SLC24A2: variants seen among roughly 807,000 people sequenced by gnomAD.
The protein encoded by SLC24A2 is sodium/potassium/calcium exchanger 2.
A neutral mutation model predicts 62.0 loss-of-function variants in SLC24A2; 36 were observed. That is an observed-to-expected ratio of 0.58 (90% CI 0.44 to 0.77). The LOEUF (loss-of-function observed/expected upper bound fraction) is 0.77. Among genes scored for constraint, SLC24A2 ranks in the 30% least tolerant of loss-of-function variants. The pLI is 0.00. For synonymous variants in SLC24A2, 358 were observed against 294.0 expected (o/e 1.22, Z -2.23); for missense variants, 846 against 817.9 (o/e 1.03, Z -0.42).
the SLC24A2 span, among the ~76,000 whole-genome samples, chr9:20,294,695 G>C: frequency 1.3e-5 from 2 of 152,048 alleles, no homozygotes; most frequent in African/African-American, 2.4e-5. Flanking sequence ...AATGAAGTTG[G>C]TTTAATTCAA....
chr9:20,307,743 G>A, the SLC24A2 span, among the ~76,000 whole-genome samples: 2 of 152,190 alleles, frequency 1.3e-5, no homozygotes, highest in African/African-American at 2.4e-5. Flanking sequence ...TCTAGGCTCA[G>A]AGACACATGC....
chr9:19,559,881 A>ACAT (rs1835306162), intron 7 of SLC24A2, among the ~76,000 whole-genome samples: 1 of 152,224 alleles, frequency 6.6e-6, no homozygotes, highest in South Asian at 2.1e-4. Context: ...CAAAAATAGA[A>ACAT]CATTATACTT....
the SLC24A2 span, among the ~76,000 whole-genome samples, chr9:19,962,422 G>A: frequency 6.6e-6 from 1 of 152,084 alleles, no homozygotes; most frequent in Non-Finnish European, 1.5e-5. Context: ...AGCCTGATGG[G>A]GATGGCATTG....
chr9:20,211,456 G>A, the SLC24A2 span, among the ~76,000 whole-genome samples: 1 of 152,152 alleles, frequency 6.6e-6, no homozygotes, highest in Non-Finnish European at 1.5e-5. Flanking sequence ...AGGTTGCCGT[G>A]AGCTGAGATC....
Position 19,513,069 on chromosome 9 carries a change from C to T in SLC24A2, c.*3084G>A, listed in dbSNP as rs1409328365. The T allele has an allele frequency of 6.7e-6, 1 of 149,518 alleles. No individual in the cohort carries two copies. The highest frequency in any genetic ancestry group is 2.5e-5 in the African/African-American group (1 of 40,384). 9.3% of individuals were successfully genotyped at this position (149,518 alleles called of 1,614,324 possible). ...CTTGACTTTGGCAAACTTGATGCTC[C>T]CTGCTTTAGAATCCTGAATGTGATA... On this transcript the variant is annotated 3_prime_UTR_variant, in exon 11 of 11. Transcript: ENST00000341998.
At chr9:19,709,572 G>T (rs1426557510) in intron 2 of SLC24A2, among the ~76,000 whole-genome samples, 1 of 151,910 alleles carries the variant, frequency 6.6e-6, no homozygotes, top group Non-Finnish European at 1.5e-5. Flanking sequence ...ATACTATGCA[G>T]CCATAAAAAA....
intron 8 of SLC24A2, among the ~76,000 whole-genome samples, chr9:19,549,673 G>A (rs1193041475): frequency 6.6e-6 from 1 of 152,184 alleles, no homozygotes; most frequent in Admixed American, 6.5e-5. Flanking sequence ...TGCCAGAAAT[G>A]GCAAAGAAGC....
At chr9:19,958,844 A>G in the SLC24A2 span, among the ~76,000 whole-genome samples, 4 of 152,266 alleles carry the variant, frequency 2.6e-5, no homozygotes, top group African/African-American at 9.6e-5. Flanking sequence ...ACTTTTTAAT[A>G]AACGCAAGGT....
chr9:20,035,354 A>G, the SLC24A2 span, among the ~76,000 whole-genome samples: 1 of 152,218 alleles, frequency 6.6e-6, no homozygotes, highest in Non-Finnish European at 1.5e-5. Flanking sequence ...TACCAGGATT[A>G]ATCATTTTGA....
At chr9:20,179,030 T>C in the SLC24A2 span, among the ~76,000 whole-genome samples, 1 of 152,110 alleles carries the variant, frequency 6.6e-6, no homozygotes, top group African/African-American at 2.4e-5. Context: ...AAAAATTCCC[T>C]TGCATATGGC....
chr9:19,626,472 C>G (rs896567160), intron 2 of SLC24A2, among the ~76,000 whole-genome samples: 5 of 152,144 alleles, frequency 3.3e-5, no homozygotes. Flanking sequence ...ATAAACAGTT[C>G]GTTGCTAAAG....
At chr9:19,590,932 T>C (rs142152080) in intron 5 of SLC24A2, among the ~76,000 whole-genome samples, 4 of 152,326 alleles carry the variant, frequency 2.6e-5, no homozygotes, top group Admixed American at 6.5e-5. Context: ...GTCAATTCAT[T>C]GATGCGGTCA....
At chr9:19,564,095 A>G (rs1835550597) in intron 7 of SLC24A2, among the ~76,000 whole-genome samples, 1 of 151,988 alleles carries the variant, frequency 6.6e-6, no homozygotes, top group East Asian at 1.9e-4. Context: ...AGCTCAAGTG[A>G]TCCACCTGCC....
At chr9:19,868,526 T>C in the SLC24A2 span, among the ~76,000 whole-genome samples, 1 of 152,214 alleles carries the variant, frequency 6.6e-6, no homozygotes, top group Non-Finnish European at 1.5e-5. Flanking sequence ...TGCAAGTCTT[T>C]TATGTCCTTG....
chr9:19,588,974 G>A (rs1836463463), intron 5 of SLC24A2, among the ~76,000 whole-genome samples: 1 of 152,116 alleles, frequency 6.6e-6, no homozygotes, highest in African/African-American at 2.4e-5. Context: ...AAAAAAATTT[G>A]CTGTCTGAGG....
chr9:20,096,712 A>T, the SLC24A2 span, among the ~76,000 whole-genome samples: 1 of 151,502 alleles, frequency 6.6e-6, no homozygotes, highest in East Asian at 1.9e-4. Flanking sequence ...TTTTTCTTAC[A>T]TTGGAGTTTT....
In SLC24A2 at chr9:19,509,069, C is replaced by T. The variant is rs1470501980; in HGVS notation, c.*7084G>A. On this transcript the variant is annotated 3_prime_UTR_variant, in exon 11 of 11. Transcript: ENST00000341998. ...TTATAAGGGAACTTCTTAGACCCAT[C>T]CTATATTTATATAAAAGCTCAAACA... is the stretch of plus-strand genomic sequence containing the variant. 6.6e-6 allele frequency: 1 copy of T among 152,118 alleles called. No homozygotes were observed. The allele number at this position is 152,118 out of a possible 1,614,324, so 9.4% of individuals were successfully genotyped here.
At chr9:19,583,050 CACTT>C (rs1258923378) in intron 5 of SLC24A2, among the ~76,000 whole-genome samples, 2 of 152,068 alleles carry the variant, frequency 1.3e-5, no homozygotes, top group African/African-American at 2.4e-5. Context: ...CAGAACATGG[CACTT>C]ACTTCTCTGC....
the SLC24A2 span, among the ~76,000 whole-genome samples, chr9:20,117,797 G>T: frequency 6.6e-6 from 1 of 152,080 alleles, no homozygotes; most frequent in Non-Finnish European, 1.5e-5. Context: ...CAAAACTTAT[G>T]CTGAGCATTA....
Sources: allele counts gnomAD v4.1 joint callset (sites outside exome capture counted in the v4.1 genomes callset), GRCh38; gene constraint gnomAD v4.1.1; transcripts MANE v1.5; gene names NCBI Gene and HGNC (gene_info 2026-07-23, HGNC 2026-07-21).